The following SFMBT1 variants were observed in gnomAD, a reference collection of about 807,000 sequenced individuals.
SFMBT1 encodes the protein Scm like with four mbt domains 1.
Under a neutral mutation model 108.7 loss-of-function variants are expected in SFMBT1, and 32 were observed. The observed-to-expected ratio is 0.29, with a 90% confidence interval of 0.22 to 0.40. The LOEUF (loss-of-function observed/expected upper bound fraction) is 0.40, where lower values mean the gene tolerates loss of function less well. Ranked by LOEUF, SFMBT1 falls within the 10% of genes least tolerant of loss-of-function variation. SFMBT1 has a pLI of 1.00. For missense variants in SFMBT1, 816 were observed against 1,059.6 expected (o/e 0.77, Z 3.19); for synonymous variants, 348 against 369.5 (o/e 0.94, Z 0.67).
chr3:52,909,142 A>G (rs1702152733), intron 17 of SFMBT1, among the ~76,000 whole-genome samples: 1 of 152,238 alleles, frequency 6.6e-6, no homozygotes. Flanking sequence ...ACATCATTCA[A>G]ATTACTAACT....
chr3:52,991,314 C>T (rs954608137), intron 1 of SFMBT1, among the ~76,000 whole-genome samples: 20 of 149,888 alleles, frequency 1.3e-4, no homozygotes, highest in Admixed American at 5.3e-4. Context: ...AATGTTGTGT[C>T]CCACCCAAAA....
chr3:53,011,439 C>T (rs1239662155), intron 1 of SFMBT1, among the ~76,000 whole-genome samples: 3 of 152,146 alleles, frequency 2.0e-5, no homozygotes, highest in East Asian at 1.9e-4. Flanking sequence ...AGTACACAAA[C>T]AGCACCAAAC....
In SFMBT1 at chr3:53,022,847, G is replaced by T. The variant is rs1699363079; in HGVS notation, c.-131+22969C>A. Among the ~76,000 whole-genome samples the T allele has an allele frequency of 2.0e-5, 3 of 152,118 alleles. No individual in the cohort carries two copies. In the South Asian group the frequency reaches 6.2e-4, roughly 32 times the overall value. On this transcript the variant is annotated intron_variant, in intron 1 of 20. Transcript: ENST00000394752. ...GTGATGGAGACGGACTGTGGTAATG[G>T]TTGCACAACACTATGAACATAGTCA...
chr3:53,000,360 A>C (rs994621131), intron 1 of SFMBT1, among the ~76,000 whole-genome samples: 1 of 149,324 alleles, frequency 6.7e-6, no homozygotes. Context: ...AATGTCTGGC[A>C]CACTAAAATA....
intron 1 of SFMBT1, among the ~76,000 whole-genome samples, chr3:52,971,785 A>G (rs1450515816): frequency 6.6e-6 from 1 of 152,204 alleles, no homozygotes; most frequent in Non-Finnish European, 1.5e-5. Flanking sequence ...AAAATGATAC[A>G]GCAGCTAGGC....
At chr3:52,955,481 A>G (rs1038516055) in intron 2 of SFMBT1, among the ~76,000 whole-genome samples, 1 of 151,984 alleles carries the variant, frequency 6.6e-6, no homozygotes, top group African/African-American at 2.4e-5. Flanking sequence ...AAGAAAAAAG[A>G]GAAAAATCAC....
At chr3:52,924,529 C>A (rs1702603218) in intron 10 of SFMBT1, among the ~76,000 whole-genome samples, 1 of 152,064 alleles carries the variant, frequency 6.6e-6, no homozygotes, top group Non-Finnish European at 1.5e-5. Flanking sequence ...ATAATTCCAG[C>A]TACTCAGGAG....
intron 1 of SFMBT1, among the ~76,000 whole-genome samples, chr3:53,001,399 G>A (rs1698542775): frequency 6.7e-6 from 1 of 149,682 alleles, no homozygotes; most frequent in African/African-American, 2.4e-5. Flanking sequence ...TGTCACTTTA[G>A]CTTGCATGAC....
intron 1 of SFMBT1, among the ~76,000 whole-genome samples, chr3:53,020,841 G>A (rs1434066588): frequency 6.6e-6 from 1 of 152,182 alleles, no homozygotes; most frequent in Admixed American, 6.5e-5. Context: ...CGGATCACCT[G>A]AGGTCAGGAG....
chr3:53,002,601 G>A (rs1698598474), intron 1 of SFMBT1, among the ~76,000 whole-genome samples: 1 of 149,832 alleles, frequency 6.7e-6, no homozygotes, highest in South Asian at 2.1e-4. Flanking sequence ...TGAATAACGA[G>A]CAAAAGTTGG....
At position 52,903,591 on chromosome 3, in the gene SFMBT1, A is replaced by G. The variant is rs1559504324; in HGVS notation, c.*1545T>C. 6.6e-6 allele frequency: 1 copy of G among 152,218 alleles called. No individual in the cohort carries two copies. Among genetic ancestry groups the G allele is most frequent in the Non-Finnish European group, 1.5e-5 (1 of 68,034 alleles). The allele number at this position is 152,218 out of a possible 1,614,324, so 9.4% of individuals were successfully genotyped here. A position where few individuals can be genotyped will look rare whatever the true frequency, so the allele number is the denominator to read the frequency against. ...TTAAAATTTGCTGTAATATTTCCTTATATTTGTAGAGCTGTTTAGAATTCA... is the reference window on the plus strand; with the variant it reads ...TTAAAATTTGCTGTAATATTTCCTTGTATTTGTAGAGCTGTTTAGAATTCA... On this transcript the variant is annotated 3_prime_UTR_variant, in exon 21 of 21. Coordinates refer to ENST00000394752, the MANE Select transcript of SFMBT1 (RefSeq NM_016329.4).
intron 4 of SFMBT1, among the ~76,000 whole-genome samples, chr3:52,942,479 AAAGT>A (rs2106813673): frequency 6.6e-6 from 1 of 152,318 alleles, no homozygotes; most frequent in Non-Finnish European, 1.5e-5. Context: ...AAATTATATC[AAAGT>A]AAGAAGTTAA....
intron 1 of SFMBT1, among the ~76,000 whole-genome samples, chr3:53,000,612 AAG>A (rs773406181): frequency 6.7e-6 from 1 of 150,144 alleles, no homozygotes; most frequent in Admixed American, 6.7e-5. Flanking sequence ...ATAAAAGACA[AAG>A]AGAGAAAGCA....
chr3:53,015,927 T>C lies in SFMBT1; in HGVS notation c.-131+29889A>G, dbSNP rs149335315. Among the ~76,000 whole-genome samples, 7 of 152,306 alleles carry C rather than the reference T, an allele frequency of 4.6e-5. No homozygotes were observed. In the East Asian group the frequency reaches 1.3e-3, roughly 29 times the overall value. ...GTATACTTTAAGTAGGTGATTTTCC[T>C]CTTATTTTTTAAATAAGAAAAAGCT... is the stretch of plus-strand genomic sequence containing the variant. On this transcript the variant is annotated intron_variant, in intron 1 of 20. Coordinates refer to ENST00000394752, the MANE Select transcript of SFMBT1 (RefSeq NM_016329.4).
chr3:52,946,590 T>A (rs986382378), intron 3 of SFMBT1, among the ~76,000 whole-genome samples: 3 of 152,210 alleles, frequency 2.0e-5, no homozygotes, highest in African/African-American at 4.8e-5. Context: ...CTTCTACTAG[T>A]TACTAGCTAT....
intron 1 of SFMBT1, among the ~76,000 whole-genome samples, chr3:53,040,670 T>C (rs1381194146): frequency 6.6e-6 from 1 of 151,740 alleles, no homozygotes; most frequent in Non-Finnish European, 1.5e-5. Context: ...CTGTGCATCA[T>C]GTTGGAAATA....
chr3:52,907,817 A>C, intron 17 of SFMBT1, 84 bp from the exon 18 acceptor site: 2 of 1,235,060 alleles, frequency 1.6e-6, no homozygotes, highest in Non-Finnish European at 2.3e-6. Flanking sequence ...TTAGCATAGC[A>C]AAAAACAGGT....
intron 2 of SFMBT1, among the ~76,000 whole-genome samples, chr3:52,963,999 AC>A (rs1704050238): frequency 6.6e-6 from 1 of 152,086 alleles, no homozygotes; most frequent in Admixed American, 6.5e-5. Context: ...AAACTTTGTA[AC>A]CCTGTTTTAT....
In SFMBT1 at chr3:53,015,814, T is replaced by G. The variant is rs545671044; in HGVS notation, c.-131+30002A>C. On this transcript the variant is annotated intron_variant, in intron 1 of 20. Coordinates refer to ENST00000394752, the MANE Select transcript of SFMBT1 (RefSeq NM_016329.4). ...GGCATAACTGCTAATGGGTACAAGG[T>G]TTTTTTTCTGGAATAATGAAAATGT... Among the ~76,000 whole-genome samples, 35 of 152,074 alleles carry G rather than the reference T, an allele frequency of 2.3e-4. No individual in the cohort carries two copies. The South Asian group carries it at 4.8e-3, about 21-fold the overall frequency.
Sources: allele counts gnomAD v4.1 joint callset (sites outside exome capture counted in the v4.1 genomes callset), GRCh38; gene constraint gnomAD v4.1.1; transcripts MANE v1.5; gene names NCBI Gene and HGNC (gene_info 2026-07-23, HGNC 2026-07-21).